The following ZBTB20 variants were observed in gnomAD, a reference collection of about 807,000 sequenced individuals.
The protein encoded by ZBTB20 is zinc finger and BTB domain-containing protein 20.
In ZBTB20, 9 loss-of-function variants were observed where a neutral mutation model predicts 56.9. The observed-to-expected ratio is 0.16, with a 90% CI of 0.10 to 0.28. The LOEUF (loss-of-function observed/expected upper bound fraction) is 0.28, where lower values mean the gene tolerates loss of function less well. Among genes scored for constraint, ZBTB20 ranks in the 10% least tolerant of loss-of-function variants. ZBTB20 has a pLI of 1.00. For synonymous variants in ZBTB20, 417 were observed against 420.7 expected (o/e 0.99, Z 0.11); for missense variants, 655 against 1,003.0 (o/e 0.65, Z 4.69).
intron 6 of ZBTB20, among the ~76,000 whole-genome samples, chr3:114,691,598 C>T (rs1421018354): frequency 6.6e-6 from 1 of 151,604 alleles, no homozygotes; most frequent in African/African-American, 2.4e-5. Context: ...TGAGCTATTC[C>T]TCTTCAGGAA....
At chr3:114,419,735 G>A (rs903427925) in intron 7 of ZBTB20, among the ~76,000 whole-genome samples, 10 of 152,048 alleles carry the variant, frequency 6.6e-5, no homozygotes, top group African/African-American at 1.7e-4. Flanking sequence ...TACAATCTAC[G>A]TTGCCAAAAC....
chr3:114,665,596 T>C (rs766141602), intron 6 of ZBTB20, among the ~76,000 whole-genome samples: 77 of 152,058 alleles, frequency 5.1e-4, no homozygotes, highest in Non-Finnish European at 8.1e-4. Flanking sequence ...TCCCTTATAT[T>C]AAACCCTCTG....
At chr3:114,725,160 T>A (rs1028768227) in intron 5 of ZBTB20, among the ~76,000 whole-genome samples, 1 of 152,226 alleles carries the variant, frequency 6.6e-6, no homozygotes, top group African/African-American at 2.4e-5. Flanking sequence ...TGCTTTCTAT[T>A]CCTTAAGTCA....
At chr3:114,695,768 G>T (rs1023129266) in intron 5 of ZBTB20, among the ~76,000 whole-genome samples, 4 of 151,868 alleles carry the variant, frequency 2.6e-5, no homozygotes, top group African/African-American at 7.3e-5. Context: ...TGGTGCAAAT[G>T]TTTTATGTTT....
rs112445150 is a variant in ZBTB20 at position 115,005,489 on chromosome 3, A to T, written c.-506-31073T>A. On this transcript the variant is annotated intron_variant, in intron 2 of 11. Coordinates refer to ENST00000675478, the MANE Select transcript of ZBTB20 (RefSeq NM_001348800.3). ...TTGAACTTGGAATGGACATTATTTT[A>T]AAATAAGTTATTTGTAAAGAACTGA... is the stretch of plus-strand genomic sequence containing the variant. Among the ~76,000 whole-genome samples, 634 of 151,922 alleles carry T rather than the reference A, an allele frequency of 4.2e-3. 6 individuals carry two copies. Among genetic ancestry groups the T allele is most frequent in the African/African-American group, 0.014 (592 of 41,508 alleles).
At chr3:114,732,765 T>G (rs993687936) in intron 5 of ZBTB20, among the ~76,000 whole-genome samples, 1 of 152,068 alleles carries the variant, frequency 6.6e-6, no homozygotes, top group African/African-American at 2.4e-5. Flanking sequence ...CAGTGGGGGA[T>G]GGGGATGCAG....
At chr3:114,766,034 G>T (rs986118121) in intron 5 of ZBTB20, among the ~76,000 whole-genome samples, 1 of 152,100 alleles carries the variant, frequency 6.6e-6, no homozygotes, top group Admixed American at 6.6e-5. Context: ...GGATGAAACG[G>T]TTACAAAGAG....
At chr3:114,393,097 A>G (rs1576567064) in intron 7 of ZBTB20, among the ~76,000 whole-genome samples, 1 of 152,234 alleles carries the variant, frequency 6.6e-6, no homozygotes, top group South Asian at 2.1e-4. Context: ...TGGTGGAGCC[A>G]TGCTACGCAT....
chr3:114,417,699 A>G lies in ZBTB20; in HGVS notation c.-254-28594T>C, dbSNP rs183975569. Among the ~76,000 whole-genome samples the G allele has an allele frequency of 2.0e-5, 3 of 152,218 alleles. No individual in the cohort carries two copies. The East Asian group carries it at 5.8e-4, about 29-fold the overall frequency. ...AGGACAGCCTTATGGAAATCCTTCC[A>G]GATGAATATACTCAATAGAGCAAAA... On this transcript the variant is annotated intron_variant, in intron 7 of 11. Coordinates refer to ENST00000675478, the MANE Select transcript of ZBTB20 (RefSeq NM_001348800.3).
At chr3:114,978,443 G>C (rs1042102872) in intron 2 of ZBTB20, among the ~76,000 whole-genome samples, 2 of 151,370 alleles carry the variant, frequency 1.3e-5, no homozygotes, top group South Asian at 2.1e-4. Flanking sequence ...TTTTAGAATA[G>C]TGAACTGGTT....
intron 6 of ZBTB20, among the ~76,000 whole-genome samples, chr3:114,691,440 ATT>A (rs1028251272): frequency 6.6e-6 from 1 of 152,144 alleles, no homozygotes; most frequent in South Asian, 2.1e-4. Flanking sequence ...TGAATTTAAG[ATT>A]TTTTATCATA....
At chr3:115,144,078 ACCAT>A (rs938753740) in intron 1 of ZBTB20, among the ~76,000 whole-genome samples, 5 of 152,386 alleles carry the variant, frequency 3.3e-5, no homozygotes, top group East Asian at 1.9e-4. Flanking sequence ...GATAAATTTA[ACCAT>A]CCATTTCAGA....
intron 1 of ZBTB20, among the ~76,000 whole-genome samples, chr3:115,075,019 T>C (rs2082544370): frequency 6.6e-6 from 1 of 152,162 alleles, no homozygotes; most frequent in Admixed American, 6.6e-5. Flanking sequence ...TTACTTTGTG[T>C]TTACGGTTAT....
intron 2 of ZBTB20, among the ~76,000 whole-genome samples, chr3:115,013,539 G>T (rs946688264): frequency 6.6e-6 from 1 of 151,500 alleles, no homozygotes; most frequent in African/African-American, 2.4e-5. Context: ...AACCATAATA[G>T]GAAGTCTCTT....
At chr3:114,422,489 G>A (rs1337845587) in intron 7 of ZBTB20, among the ~76,000 whole-genome samples, 2 of 152,114 alleles carry the variant, frequency 1.3e-5, no homozygotes, top group African/African-American at 4.8e-5. Flanking sequence ...AAGATTGTAA[G>A]AGCAAAGGCA....
At chr3:114,382,371 T>C (rs1159366818) in intron 8 of ZBTB20, among the ~76,000 whole-genome samples, 1 of 152,206 alleles carries the variant, frequency 6.6e-6, no homozygotes, top group Non-Finnish European at 1.5e-5. Flanking sequence ...GTCAGTTCCG[T>C]ATCTCTTCTA....
chr3:114,426,591 C>T (rs1023549150), intron 7 of ZBTB20, among the ~76,000 whole-genome samples: 6 of 152,224 alleles, frequency 3.9e-5, no homozygotes, highest in Non-Finnish European at 8.8e-5. Flanking sequence ...CTTCTGGCTT[C>T]CTTCCGCTGA....
intron 5 of ZBTB20, among the ~76,000 whole-genome samples, chr3:114,739,121 C>T (rs985084672): frequency 1.3e-5 from 2 of 152,114 alleles, no homozygotes; most frequent in African/African-American, 4.8e-5. Flanking sequence ...AGAGAATGGG[C>T]CATACCTGGG....
rs545561387 is a variant in ZBTB20, at chr3:114,464,020, T to C, written c.-255+36332A>G. ...GAATCTTTAATTGTGCATACAATTC[T>C]ACCTTTTCTGCTATGCATCCTTAAC... On this transcript the variant is annotated intron_variant, in intron 7 of 11. Transcript: ENST00000675478. Among the ~76,000 whole-genome samples the C allele has an allele frequency of 1.1e-3, 172 of 152,352 alleles. 2 individuals are homozygous for C. The highest frequency in any genetic ancestry group is 4.0e-3 in the African/African-American group (166 of 41,582).
Sources: allele counts gnomAD v4.1 joint callset (sites outside exome capture counted in the v4.1 genomes callset), GRCh38; gene constraint gnomAD v4.1.1; transcripts MANE v1.5; gene names NCBI Gene and HGNC (gene_info 2026-07-23, HGNC 2026-07-21).